The following RMND1 variants were observed in gnomAD, a reference collection of about 807,000 sequenced individuals.
RMND1 encodes the protein required for meiotic nuclear division protein 1 homolog.
In RMND1, 41 loss-of-function variants were observed where a neutral mutation model predicts 54.0. The ratio of observed to expected loss-of-function variants is 0.76; its 90% CI spans 0.59 to 0.98. The LOEUF (loss-of-function observed/expected upper bound fraction) is 0.98. RMND1 is among the 50% of genes least tolerant of loss of function. RMND1 has a pLI of 0.00. For synonymous variants in RMND1, 183 were observed against 181.7 expected (o/e 1.01, Z -0.06); for missense variants, 457 against 532.0 (o/e 0.86, Z 1.39).
At chr6:151,416,127 C>T (rs569079492) in intron 10 of RMND1, among the ~76,000 whole-genome samples, 108 of 150,776 alleles carry the variant, frequency 7.2e-4, no homozygotes, top group African/African-American at 1.6e-3. Flanking sequence ...TACAGGCACG[C>T]GCCACCACAC....
At chr6:151,449,840 G>A (rs1258623439) in intron 1 of RMND1, among the ~76,000 whole-genome samples, 4 of 152,238 alleles carry the variant, frequency 2.6e-5, no homozygotes, top group African/African-American at 9.6e-5. Context: ...TGGTGGAGAC[G>A]GGGTTTCGCT....
chr6:151,432,372 G>A (rs1226457904), intron 4 of RMND1, among the ~76,000 whole-genome samples: 2 of 152,092 alleles, frequency 1.3e-5, no homozygotes, highest in African/African-American at 2.4e-5. Flanking sequence ...TCTAAAGATG[G>A]GGTCAAAAGG....
At chr6:151,449,512 T>C (rs991141320) in intron 1 of RMND1, among the ~76,000 whole-genome samples, 55 of 152,116 alleles carry the variant, frequency 3.6e-4, no homozygotes, top group Admixed American at 2.1e-3. Context: ...TGCTGTTCCT[T>C]ACGCTCTTCT....
At chr6:151,441,010 T>C (rs1406333656) in intron 2 of RMND1, among the ~76,000 whole-genome samples, 1 of 152,178 alleles carries the variant, frequency 6.6e-6, no homozygotes, top group Non-Finnish European at 1.5e-5. Context: ...CAACCGATAA[T>C]AGTTATGATA....
intron 1 of RMND1, among the ~76,000 whole-genome samples, chr6:151,447,810 C>CTT (rs869136474): frequency 2.4e-4 from 27 of 110,334 alleles, no homozygotes; most frequent in Non-Finnish European, 3.9e-4. Context: ...TGAGTAAATT[C>CTT]TTTTTTTTTT....
chr6:151,413,370 G>C (rs1450383851), intron 10 of RMND1, among the ~76,000 whole-genome samples: 1 of 152,156 alleles, frequency 6.6e-6, no homozygotes, highest in Admixed American at 6.5e-5. Flanking sequence ...TCATGCCTCA[G>C]CCTCCAGAGT....
chr6:151,447,835 T>C lies in RMND1; in HGVS notation c.-14-2010A>G, dbSNP rs1385291018. On this transcript the variant is annotated intron_variant, in intron 1 of 11. Transcript: ENST00000444024. ...CTTTTTTTTTTTTTTTTTTTTGAGA[T>C]GGGAGTCTCGCTCTGTCACTCAGGC... Among the ~76,000 whole-genome samples the C allele has an allele frequency of 2.2e-5, 3 of 136,062 alleles. No individual in the cohort carries two copies. The Admixed American group carries it at 2.3e-4, about 10-fold the overall frequency. 89.3% of individuals were successfully genotyped at this position (136,062 alleles called of 152,430 possible).
intron 1 of RMND1, among the ~76,000 whole-genome samples, chr6:151,451,731 G>T (rs1471035187): frequency 1.3e-5 from 2 of 152,150 alleles, no homozygotes; most frequent in East Asian, 3.9e-4. Flanking sequence ...TACGATTCGA[G>T]AGCTAAGTGG....
At chr6:151,449,869 T>G (rs1048574006) in intron 1 of RMND1, among the ~76,000 whole-genome samples, 10 of 152,362 alleles carry the variant, frequency 6.6e-5, no homozygotes, top group Admixed American at 1.3e-4. Context: ...CGGGCTGGTC[T>G]GCAGCTCCTA....
chr6:151,431,572 T>C lies in RMND1; in HGVS notation c.690-1395A>G, dbSNP rs532342649. 5.7e-4 allele frequency among the ~76,000 whole-genome samples: 87 copies of C among 152,284 alleles called. 1 individual carries two copies. The Middle Eastern group carries it at 0.01, about 18-fold the overall frequency. ...CAGAAGAGAGGTCTGGTGAACTGCA[T>C]ATTCCTCCAACCAGAGGAATGCACT... On this transcript the variant is annotated intron_variant, in intron 4 of 11. Transcript: ENST00000444024.
chr6:151,441,090 A>G (rs1454150538), intron 2 of RMND1, among the ~76,000 whole-genome samples: 1 of 152,194 alleles, frequency 6.6e-6, no homozygotes, highest in Non-Finnish European at 1.5e-5. Context: ...ACTGTATTTT[A>G]GTATGTTTTG....
chr6:151,436,088 A>G, intron 3 of RMND1: 1 of 206,150 alleles, frequency 4.9e-6, no homozygotes, highest in South Asian at 7.1e-5. Flanking sequence ...CTGGGCAACA[A>G]GAGTGAAACT....
At position 151,423,610 on chromosome 6, in the gene RMND1, CCT is replaced by C. The variant is rs1780213989; in HGVS notation, c.850_851del (p.Arg284GlyfsTer13). ...IKIEGQSKLH[R>X]GEIKLNSELD... The stretch of plus-strand genomic sequence containing the variant: ...GCTCTGAATTTAACTTGATTTCCCC[CCT>C]GTGAAGTTTTGACTGTCCCCTGTGA... On this transcript the variant is annotated frameshift_variant, in exon 7 of 12. Transcript: ENST00000444024. LOFTEE classifies it high-confidence loss of function. 3 of 1,613,622 alleles carry C rather than the reference CCT, an allele frequency of 1.9e-6. No homozygotes were observed. The highest frequency in any genetic ancestry group is 2.2e-5 in the East Asian group (1 of 44,832).
rs1263914823 is a variant in RMND1 at position 151,423,650 on chromosome 6, T to G, written c.831-19A>C. 3 of 1,469,354 alleles carry G rather than the reference T, an allele frequency of 2.0e-6. No individual in the cohort carries two copies. In the East Asian group the frequency reaches 6.8e-5, roughly 33 times the overall value. 91.0% of individuals were successfully genotyped at this position (1,469,354 alleles called of 1,614,324 possible). A position where few individuals can be genotyped will look rare whatever the true frequency, so the allele number is the denominator to read the frequency against. On this transcript the variant is annotated intron_variant, in intron 6 of 11. Transcript: ENST00000444024. ...CTGTCCCCTGTGAAAAGCAAAAAGA[T>G]AATACCTTCTAAATCTTAAAAAGCA...
At chr6:151,431,720 C>A (rs73780690) in intron 4 of RMND1, among the ~76,000 whole-genome samples, 19,583 of 151,802 alleles carry the variant, frequency 0.13, 1,355 homozygotes, top group Middle Eastern at 0.19. Flanking sequence ...CTTAGTATGA[C>A]AAGTGAAAAA....
intron 10 of RMND1, chr6:151,417,074 C>T: frequency 2.3e-6 from 1 of 437,836 alleles, no homozygotes; most frequent in Non-Finnish European, 4.0e-6. Flanking sequence ...TCATCTTATT[C>T]ACCAACCTTA....
At chr6:151,450,941 T>G (rs1296627278) in intron 1 of RMND1, among the ~76,000 whole-genome samples, 1 of 152,180 alleles carries the variant, frequency 6.6e-6, no homozygotes, top group Non-Finnish European at 1.5e-5. Context: ...CTGTGTCCAC[T>G]CAGAGTTGAA....
At chr6:151,421,620 T>C (rs1382771284) in intron 8 of RMND1, among the ~76,000 whole-genome samples, 1 of 152,208 alleles carries the variant, frequency 6.6e-6, no homozygotes, top group Non-Finnish European at 1.5e-5. Flanking sequence ...TAGATTACTC[T>C]TTCACAATAA....
Position 151,445,783 on chromosome 6 carries a change from G to T in RMND1, c.29C>A (p.Ala10Asp). 1.2e-6 allele frequency: 2 copies of T among 1,611,766 alleles called. No homozygotes were observed. The highest frequency in any genetic ancestry group is 8.5e-7 in the Non-Finnish European group (1 of 1,179,444). The change falls in exon 2 of 12, where the codon GCC (alanine) becomes GAC (aspartate). Residue 10 changes from alanine (A) to aspartate (D), a missense_variant. Ala to Asp is a moderately radical substitution (Grantham distance 126). Coordinates refer to ENST00000444024, the MANE Select transcript of RMND1 (RefSeq NM_017909.4). Reference sequence around the variant, plus strand: ...TTTTGATAATATATGATGAGATCTGGCCACGGCTCTGAGGAGTGTGGCTGG... The same window carrying T: ...TTTTGATAATATATGATGAGATCTGTCCACGGCTCTGAGGAGTGTGGCTGG... MPATLLRAV[A>D]RSHHILSKAH...
Sources: allele counts gnomAD v4.1 joint callset (sites outside exome capture counted in the v4.1 genomes callset), GRCh38; gene constraint gnomAD v4.1.1; transcripts MANE v1.5; gene names NCBI Gene and HGNC (gene_info 2026-07-23, HGNC 2026-07-21).